The following SFMBT2 variants were observed in gnomAD, a reference collection of about 807,000 sequenced individuals.
The protein encoded by SFMBT2 is scm-like with four MBT domains protein 2.
Under a neutral mutation model 110.1 loss-of-function variants are expected in SFMBT2, and 38 were observed. The ratio of observed to expected loss-of-function variants is 0.35; its 90% CI spans 0.27 to 0.45. The LOEUF is 0.45. Ranked by LOEUF, SFMBT2 falls within the 20% of genes least tolerant of loss-of-function variation. SFMBT2 has a pLI of 1.00. For synonymous variants in SFMBT2, 425 were observed against 425.4 expected (o/e 1.00, Z 0.01); for missense variants, 1,011 against 1,094.9 (o/e 0.92, Z 1.08).
At position 7,367,411 on chromosome 10, in the gene SFMBT2, T is replaced by C. The variant is rs1844943055; in HGVS notation, c.436+238A>G. ...CCAAAAGGAATTTAAGGATTAGGCATACTTTCAGTTCCGAAAAGCCAAGTT... is the reference window on the plus strand; with the variant it reads ...CCAAAAGGAATTTAAGGATTAGGCACACTTTCAGTTCCGAAAAGCCAAGTT... On this transcript the variant is annotated intron_variant, in intron 4 of 20. Coordinates refer to ENST00000397167, the MANE Select transcript of SFMBT2 (RefSeq NM_001387889.1). This position sits in a 1 kb window ranked among gnomAD's most constrained non-coding sequence, Gnocchi z 6.2. Among the ~76,000 whole-genome samples the C allele has an allele frequency of 6.6e-6, 1 of 152,120 alleles. No homozygotes were observed. Among genetic ancestry groups the C allele is most frequent in the African/African-American group, 2.4e-5 (1 of 41,420 alleles).
intron 12 of SFMBT2, chr10:7,205,011 G>T: frequency 2.7e-6 from 2 of 739,894 alleles, no homozygotes; most frequent in Non-Finnish European, 3.3e-6. Context: ...AGGGACGTGT[G>T]GTAATATACT....
chr10:7,377,533 G>A (rs576571360), intron 2 of SFMBT2, among the ~76,000 whole-genome samples: 1 of 152,132 alleles, frequency 6.6e-6, no homozygotes, highest in African/African-American at 2.4e-5. Context: ...GGAATCCTGG[G>A]CTTGTTTTCC....
At chr10:7,271,064 T>C (rs111380729) in intron 7 of SFMBT2, among the ~76,000 whole-genome samples, 2,647 of 152,020 alleles carry the variant, frequency 0.017, 30 homozygotes, top group South Asian at 0.045. Context: ...GTGGGTGGAT[T>C]GCTTGAGTTC....
Position 7,381,889 on chromosome 10 carries a change from T to G in SFMBT2, c.10A>C (p.Thr4Pro), listed in dbSNP as rs776094094. The change falls in exon 2 of 21, where the codon ACT becomes CCT. Residue 4 changes from threonine to proline, a missense_variant. Transcript: ENST00000397167. The part of the protein sequence containing the change: MES[T>P]LSASNMQDPS... Reference sequence around the variant, plus strand: ...TCTTGCATATTGGAAGCTGACAAAGTGCTCTCCATGCCTGATGAGCAAGTG... The same window carrying G: ...TCTTGCATATTGGAAGCTGACAAAGGGCTCTCCATGCCTGATGAGCAAGTG... The G allele has an allele frequency of 2.5e-6, 4 of 1,610,134 alleles. No homozygotes were observed. In the African/African-American group the frequency reaches 5.3e-5, roughly 22 times the overall value.
intron 11 of SFMBT2, among the ~76,000 whole-genome samples, chr10:7,210,137 G>A (rs2762595): frequency 0.16 from 24,984 of 152,130 alleles, 3,095 homozygotes; most frequent in African/African-American, 0.35. Context: ...GGTTCAGCAG[G>A]ACACAGAGGT....
intron 2 of SFMBT2, among the ~76,000 whole-genome samples, chr10:7,373,323 C>T (rs1382146271): frequency 8.5e-5 from 13 of 152,180 alleles, no homozygotes; most frequent in Admixed American, 2.0e-4. Flanking sequence ...GATGCAGCTG[C>T]CCGTCATAGA....
At chr10:7,312,477 T>C (rs1842886032) in intron 4 of SFMBT2, among the ~76,000 whole-genome samples, 1 of 151,982 alleles carries the variant, frequency 6.6e-6, no homozygotes, top group Admixed American at 6.6e-5. Context: ...AGAAGTAAAA[T>C]ACAGAATAAA....
intron 4 of SFMBT2, among the ~76,000 whole-genome samples, chr10:7,319,729 AGAGG>A (rs1037377168): frequency 1.3e-5 from 2 of 150,290 alleles, no homozygotes; most frequent in African/African-American, 5.0e-5. Context: ...AGACAGAGAG[AGAGG>A]AAGATAGAGA....
rs1025889014 is a variant in SFMBT2, at chr10:7,161,108, G to T, written c.*2662C>A. 2.0e-5 allele frequency: 3 copies of T among 152,294 alleles called. No homozygotes were observed. The highest frequency in any genetic ancestry group is 7.2e-5 in the African/African-American group (3 of 41,454). 9.4% of individuals were successfully genotyped at this position (152,294 alleles called of 1,614,324 possible). On this transcript the variant is annotated 3_prime_UTR_variant, in exon 21 of 21. Transcript: ENST00000397167. ...ACTGTCAGGGTGAAGGATACGGAGAGTCTTGGGCGCTTGGCTCCACGGGAA... is the reference window on the plus strand; with the variant it reads ...ACTGTCAGGGTGAAGGATACGGAGATTCTTGGGCGCTTGGCTCCACGGGAA...
intron 7 of SFMBT2, among the ~76,000 whole-genome samples, chr10:7,256,463 A>G (rs10905134): frequency 0.46 from 70,284 of 152,108 alleles, 17,060 homozygotes; most frequent in East Asian, 0.84. Flanking sequence ...GTGGCTTAAG[A>G]AAAAAGCATG....
At chr10:7,229,281 T>C (rs1840039908) in intron 9 of SFMBT2, among the ~76,000 whole-genome samples, 1 of 152,110 alleles carries the variant, frequency 6.6e-6, no homozygotes, top group East Asian at 1.9e-4. Context: ...AAATTCTTTA[T>C]TAAAGAAACT....
At chr10:7,261,421 A>G (rs1841197945) in intron 7 of SFMBT2, among the ~76,000 whole-genome samples, 1 of 152,210 alleles carries the variant, frequency 6.6e-6, no homozygotes, top group Non-Finnish European at 1.5e-5. Flanking sequence ...CATTGTTTAT[A>G]GACCTGCAGT....
At chr10:7,297,986 C>T (rs1564427396) in intron 4 of SFMBT2, among the ~76,000 whole-genome samples, 1 of 152,234 alleles carries the variant, frequency 6.6e-6, no homozygotes, top group Non-Finnish European at 1.5e-5. Flanking sequence ...GGGGCTCTCA[C>T]TTTTGCCCAA....
chr10:7,277,652 C>T (rs767196229), intron 6 of SFMBT2, among the ~76,000 whole-genome samples: 4 of 150,946 alleles, frequency 2.6e-5, no homozygotes, highest in Non-Finnish European at 4.4e-5. Context: ...AAAAAAAAAA[C>T]GTTGAGCACT....
At chr10:7,358,120 CA>C (rs869245585) in intron 4 of SFMBT2, among the ~76,000 whole-genome samples, 1 of 106,244 alleles carries the variant, frequency 9.4e-6, no homozygotes. Context: ...GGCCCTAGAA[CA>C]TCTGCATGGC....
chr10:7,288,578 G>C (rs993541449), intron 4 of SFMBT2, among the ~76,000 whole-genome samples: 1 of 151,996 alleles, frequency 6.6e-6, no homozygotes, highest in Non-Finnish European at 1.5e-5. Context: ...GCATGTCTAG[G>C]GTCACTGAGA....
chr10:7,272,067 C>T (rs1006756650), intron 7 of SFMBT2, among the ~76,000 whole-genome samples: 17 of 152,096 alleles, frequency 1.1e-4, no homozygotes, highest in Admixed American at 7.2e-4. Flanking sequence ...AGGAGGGGCA[C>T]GGAAGGAGAC....
chr10:7,408,333 G>A lies in SFMBT2; in HGVS notation c.-52+2528C>T, dbSNP rs1050080384. 6.6e-6 allele frequency among the ~76,000 whole-genome samples: 1 copy of A among 152,204 alleles called. No individual in the cohort carries two copies. The highest frequency in any genetic ancestry group is 2.4e-5 in the African/African-American group (1 of 41,522). On this transcript the variant is annotated intron_variant, in intron 1 of 20. Coordinates refer to ENST00000397167, the MANE Select transcript of SFMBT2 (RefSeq NM_001387889.1). This position sits in a 1 kb window ranked among gnomAD's most constrained non-coding sequence, Gnocchi z 5.7. Reference sequence around the variant, plus strand: ...GCCCAGGTGGGAGGGGTCACCTGCCGCGGGGTCTCCAAGCCAGTGCCGCTT... The same window carrying A: ...GCCCAGGTGGGAGGGGTCACCTGCCACGGGGTCTCCAAGCCAGTGCCGCTT...
At chr10:7,370,565 A>G (rs570813219) in intron 2 of SFMBT2, among the ~76,000 whole-genome samples, 190 bp from the exon 3 acceptor site, 6 of 152,336 alleles carry the variant, frequency 3.9e-5, no homozygotes, top group Non-Finnish European at 7.3e-5. Flanking sequence ...AAAGGAAAAC[A>G]TGGGACATTC....
Sources: allele counts gnomAD v4.1 joint callset (sites outside exome capture counted in the v4.1 genomes callset), GRCh38; gene constraint gnomAD v4.1.1; non-coding constraint Gnocchi (gnomAD v3.1); transcripts MANE v1.5; gene names NCBI Gene and HGNC (gene_info 2026-07-23, HGNC 2026-07-21).